Variants in CCDC102B observed in about 807,000 individuals in gnomAD.
CCDC102B encodes the protein coiled-coil domain containing 102B, also known as coiled-coil domain-containing protein 102B.
CCDC102B carries 75 observed loss-of-function variants against 57.4 expected under a neutral mutation model. That is an observed-to-expected ratio of 1.31 (90% confidence interval 1.08 to 1.58). The LOEUF (loss-of-function observed/expected upper bound fraction) is 1.58. CCDC102B is among the 40% of genes most tolerant of loss of function. The pLI, the probability that CCDC102B is intolerant of heterozygous loss-of-function variation, is 0.00. For synonymous variants in CCDC102B, 206 were observed against 201.9 expected (o/e 1.02, Z -0.17); for missense variants, 636 against 582.6 (o/e 1.09, Z -0.94).
chr18:68,910,924 A>G (rs760765023), intron 6 of CCDC102B, among the ~76,000 whole-genome samples: 17 of 1,726 alleles, frequency 9.8e-3, no homozygotes, highest in Non-Finnish European at 0.03. Context: ...AAAAAGGGGG[A>G]AAAAAAAAAA....
intron 7 of CCDC102B, among the ~76,000 whole-genome samples, chr18:69,040,977 G>A (rs10503141): frequency 0.075 from 11,395 of 152,052 alleles, 700 homozygotes; most frequent in African/African-American, 0.16. Flanking sequence ...CAAATGCCTG[G>A]AAAGTTCCTG....
chr18:69,035,456 A>G (rs2052264205), intron 7 of CCDC102B, among the ~76,000 whole-genome samples: 1 of 152,082 alleles, frequency 6.6e-6, no homozygotes, highest in African/African-American at 2.4e-5. Flanking sequence ...AGAGGACATT[A>G]TAAGTTTTTG....
intron 6 of CCDC102B, among the ~76,000 whole-genome samples, chr18:68,906,160 C>T (rs532622858): frequency 6.6e-6 from 1 of 152,272 alleles, no homozygotes; most frequent in Admixed American, 6.5e-5. Context: ...TACATCATTA[C>T]TTCACACCTT....
intron 2 of CCDC102B, among the ~76,000 whole-genome samples, chr18:68,774,896 C>A (rs1026061995): frequency 1.5e-4 from 23 of 151,512 alleles, no homozygotes; most frequent in Middle Eastern, 3.7e-3. Context: ...ATCAGTACCA[C>A]TTATACTTTT....
At chr18:68,759,343 T>C (rs35604474) in intron 2 of CCDC102B, among the ~76,000 whole-genome samples, 39,317 of 152,078 alleles carry the variant, frequency 0.26, 6,287 homozygotes, top group East Asian at 0.5. Flanking sequence ...TGAGTTGCCA[T>C]ATTTAAAGGA....
In CCDC102B at chr18:68,781,394, A is replaced by G. The variant is rs566858431; in HGVS notation, c.-66-41972A>G. Among the ~76,000 whole-genome samples, 28 of 152,284 alleles carry G rather than the reference A, an allele frequency of 1.8e-4. 1 individual carries two copies. The South Asian group carries it at 5.0e-3, about 27-fold the overall frequency. On this transcript the variant is annotated intron_variant, in intron 2 of 3. Transcript: ENST00000578970. Reference sequence around the variant, plus strand: ...GAATTCAAGATTCTTTATCTGTAACACAATAATTTTATTAGATTAGTTATT... The same window carrying G: ...GAATTCAAGATTCTTTATCTGTAACGCAATAATTTTATTAGATTAGTTATT...
chr18:68,819,267 C>T (rs1218351097), intron 1 of CCDC102B, among the ~76,000 whole-genome samples: 3 of 152,018 alleles, frequency 2.0e-5, no homozygotes, highest in African/African-American at 7.2e-5. Flanking sequence ...CTATTGGGAA[C>T]TGACTGTTTT....
At chr18:68,913,345 G>GTGTGTGTGTGTGT (rs2040945119) in intron 6 of CCDC102B, among the ~76,000 whole-genome samples, 4 of 13,240 alleles carry the variant, frequency 3.0e-4, no homozygotes, top group South Asian at 2.8e-3. Flanking sequence ...TGTGTGTGTG[G>GTGTGTGTGTGTGT]TCCTACTTTA....
intron 4 of CCDC102B, among the ~76,000 whole-genome samples, chr18:68,861,365 G>A (rs999350286): frequency 6.6e-6 from 1 of 151,866 alleles, no homozygotes; most frequent in Admixed American, 6.6e-5. Context: ...GTTTTGACTG[G>A]ATGCTTGTCA....
At chr18:69,031,662 G>T (rs2052149115) in intron 7 of CCDC102B, among the ~76,000 whole-genome samples, 1 of 151,800 alleles carries the variant, frequency 6.6e-6, no homozygotes, top group Non-Finnish European at 1.5e-5. Context: ...AGATCTTGGG[G>T]CTCTTAATAA....
chr18:68,785,348 TG>T (rs1378933262), intron 2 of CCDC102B, among the ~76,000 whole-genome samples: 2 of 152,190 alleles, frequency 1.3e-5, no homozygotes, highest in Non-Finnish European at 2.9e-5. Context: ...TACCCAGTAA[TG>T]GGATGGCTAG....
chr18:68,836,778 C>T lies in CCDC102B; in HGVS notation c.15C>T (p.Ser5=). 6.2e-7 allele frequency: 1 copy of T among 1,612,412 alleles called. No individual in the cohort carries two copies. Among genetic ancestry groups the T allele is most frequent in the Non-Finnish European group, 8.5e-7 (1 of 1,179,418 alleles). The change falls in exon 2 of 8, where the codon TCC becomes TCT. Residue 5 remains serine (S), a synonymous_variant. Coordinates refer to ENST00000360242, the MANE Select transcript of CCDC102B (RefSeq NM_024781.3). ...TAAAAATAAATATGAATTTAGATTC[C>T]ATACATCGATTAATTGAGGAAACAC... MNLD[S]IHRLIEETQI...
At chr18:68,899,472 T>G (rs1038994944) in intron 6 of CCDC102B, among the ~76,000 whole-genome samples, 1 of 152,048 alleles carries the variant, frequency 6.6e-6, no homozygotes, top group African/African-American at 2.4e-5. Flanking sequence ...ACCATGTCTA[T>G]ATATGTACAG....
intron 6 of CCDC102B, among the ~76,000 whole-genome samples, chr18:68,905,624 C>G (rs867496853): frequency 2.0e-5 from 3 of 151,798 alleles, no homozygotes; most frequent in African/African-American, 7.3e-5. Context: ...AAAGCACTTT[C>G]ATCACCCTAT....
At chr18:68,942,412 C>T (rs1038758127) in intron 6 of CCDC102B, among the ~76,000 whole-genome samples, 11 of 151,976 alleles carry the variant, frequency 7.2e-5, no homozygotes, top group Non-Finnish European at 1.6e-4. Flanking sequence ...GGAGGACCCA[C>T]GCCGGCCCAG....
At chr18:68,866,333 A>G (rs2038978109) in intron 4 of CCDC102B, among the ~76,000 whole-genome samples, 1 of 152,218 alleles carries the variant, frequency 6.6e-6, no homozygotes, top group Non-Finnish European at 1.5e-5. Flanking sequence ...ATGTCATGGT[A>G]TGATAATCTG....
At chr18:68,862,493 A>C (rs2144886147) in intron 4 of CCDC102B, among the ~76,000 whole-genome samples, 1 of 152,292 alleles carries the variant, frequency 6.6e-6, no homozygotes, top group Admixed American at 6.5e-5. Context: ...TATTTATAAA[A>C]ATTTTATGAT....
At chr18:69,036,862 A>G (rs746117162) in intron 7 of CCDC102B, among the ~76,000 whole-genome samples, 3 of 152,094 alleles carry the variant, frequency 2.0e-5, no homozygotes, top group African/African-American at 7.2e-5. Context: ...TCATTCAGAT[A>G]TCTGTTAAAG....
intron 1 of CCDC102B, among the ~76,000 whole-genome samples, chr18:68,813,393 G>A (rs897640268): frequency 1.3e-5 from 2 of 152,012 alleles, no homozygotes; most frequent in African/African-American, 4.8e-5. Flanking sequence ...GGAGGCCAGA[G>A]AGATGAGACG....
Sources: allele counts gnomAD v4.1 joint callset (sites outside exome capture counted in the v4.1 genomes callset), GRCh38; gene constraint gnomAD v4.1.1; transcripts MANE v1.5; gene names NCBI Gene and HGNC (gene_info 2026-07-23, HGNC 2026-07-21).